PEX3: variants seen among roughly 807,000 people sequenced by gnomAD.
PEX3 encodes the protein peroxin-3.
Under a neutral mutation model 55.8 loss-of-function variants are expected in PEX3, and 30 were observed. The observed-to-expected ratio is 0.54, with a 90% CI of 0.40 to 0.73. The LOEUF is 0.73. Ranked by LOEUF, PEX3 falls within the 30% of genes least tolerant of loss-of-function variation. PEX3 has a pLI of 0.00. For synonymous variants in PEX3, 135 were observed against 148.4 expected, an observed-to-expected ratio of 0.91 and a Z score of 0.66; for missense variants, 351 against 432.8, an observed-to-expected ratio of 0.81 and a Z score of 1.68.
intron 4 of PEX3, among the ~76,000 whole-genome samples, chr6:143,470,641 T>C (rs1161457587): frequency 6.6e-6 from 1 of 152,228 alleles, no homozygotes; most frequent in African/African-American, 2.4e-5. Flanking sequence ...AATAGCTCCA[T>C]TGACAACTAA....
At chr6:143,467,329 ATG>A (rs1780005989) in intron 3 of PEX3, among the ~76,000 whole-genome samples, 1 of 152,108 alleles carries the variant, frequency 6.6e-6, no homozygotes. Flanking sequence ...AAATATCAGT[ATG>A]AATTCATGAT....
rs756603740 is a variant in PEX3 at position 143,472,244 on chromosome 6, T to G, written c.663T>G (p.Ser221=). The G allele has an allele frequency of 1.9e-6, 3 of 1,607,766 alleles. No individual in the cohort carries two copies. Among genetic ancestry groups the G allele is most frequent in the East Asian group, 2.2e-5 (1 of 44,722 alleles). The part of the protein sequence containing the change: ...EIRNLVEQHK[S]SSWINKDGSK... ...GAAATCTCGTTGAGCAGCATAAGTC[T>G]TCTTCTTGGATTAATAAAGATGGAT... is the stretch of plus-strand genomic sequence containing the variant. Residue 221 remains serine, a synonymous_variant, in exon 8 of 12, where the codon TCT becomes TCG. Transcript: ENST00000367591.
intron 1 of PEX3, among the ~76,000 whole-genome samples, chr6:143,457,010 T>C (rs558998364): frequency 6.6e-6 from 1 of 152,322 alleles, no homozygotes; most frequent in African/African-American, 2.4e-5. Flanking sequence ...TTGTTGAGAC[T>C]CTGATTAAAG....
rs550648678 is a variant in PEX3 at position 143,483,941 on chromosome 6, G to T, written c.942-1211G>T. Reference sequence around the variant, plus strand: ...ATAGATTTTGAAAAATGCCACAAAGGTACCATGAAAAAAAAAATGCCTGCT... The same window carrying T: ...ATAGATTTTGAAAAATGCCACAAAGTTACCATGAAAAAAAAAATGCCTGCT... On this transcript the variant is annotated intron_variant, in intron 10 of 11. Coordinates refer to ENST00000367591, the MANE Select transcript of PEX3 (RefSeq NM_003630.3). The surrounding 1 kb of genome is among the most constrained non-coding windows in gnomAD (Gnocchi z 4.3). Among the ~76,000 whole-genome samples, 3 of 143,786 alleles carry T rather than the reference G, an allele frequency of 2.1e-5. No individual in the cohort carries two copies. The highest frequency in any genetic ancestry group is 4.3e-4 in the South Asian group (2 of 4,698). The allele number at this position is 143,786 out of a possible 152,430, so 94.3% of individuals were successfully genotyped here.
In PEX3 at chr6:143,451,755, A is replaced by C. The variant is rs562726250; in HGVS notation, c.73+640A>C. On this transcript the variant is annotated intron_variant, in intron 1 of 11. Transcript: ENST00000367591. This position sits in a 1 kb window ranked among gnomAD's most constrained non-coding sequence, Gnocchi z 4.1. ...GGATCTTCAAGGTTGGGATCATTGT[A>C]ATCTAGCTGACATAACTGAGTTGCA... is the stretch of plus-strand genomic sequence containing the variant. 1.5e-4 allele frequency among the ~76,000 whole-genome samples: 23 copies of C among 152,342 alleles called. No homozygotes were observed. Among genetic ancestry groups the C allele is most frequent in the African/African-American group, 5.5e-4 (23 of 41,572 alleles).
At position 143,476,369 on chromosome 6, in the gene PEX3, T is replaced by G. The variant is rs958839284; in HGVS notation, c.818+1513T>G. 4.6e-5 allele frequency among the ~76,000 whole-genome samples: 7 copies of G among 152,202 alleles called. No individual in the cohort carries two copies. Among genetic ancestry groups the G allele is most frequent in the Non-Finnish European group, 7.3e-5 (5 of 68,044 alleles). On this transcript the variant is annotated intron_variant, in intron 9 of 11. Transcript: ENST00000367591. The surrounding 1 kb of genome is among the most constrained non-coding windows in gnomAD (Gnocchi z 5.4). ...TTGTAGTCCATGATAGGAAATTTGTTTTTTATTCTTAATGTATGGGAAGCC... is the reference window on the plus strand; with the variant it reads ...TTGTAGTCCATGATAGGAAATTTGTGTTTTATTCTTAATGTATGGGAAGCC...
Position 143,485,851 on chromosome 6 carries a change from CTT to C in PEX3, c.1038+605_1038+606del, listed in dbSNP as rs1482107616. 6.6e-6 allele frequency among the ~76,000 whole-genome samples: 1 copy of C among 152,014 alleles called. No individual in the cohort carries two copies. The highest frequency in any genetic ancestry group is 2.4e-5 in the African/African-American group (1 of 41,398). On this transcript the variant is annotated intron_variant, in intron 11 of 11. Transcript: ENST00000367591. This position sits in a 1 kb window ranked among gnomAD's most constrained non-coding sequence, Gnocchi z 5.6. The stretch of plus-strand genomic sequence containing the variant: ...AAGACAAATATTATAAACAAAATAA[CTT>C]TGAATTTCTGAGTCATGTGCAAACT...
intron 1 of PEX3, among the ~76,000 whole-genome samples, chr6:143,456,900 A>T (rs1200565623): frequency 6.6e-6 from 1 of 152,164 alleles, no homozygotes; most frequent in African/African-American, 2.4e-5. Flanking sequence ...CACTCAGGAA[A>T]ACTGACTTCC....
At chr6:143,474,956 A>G (rs1780131906) in intron 9 of PEX3, 100 bp downstream of exon 9, 1 of 639,020 alleles carries the variant, frequency 1.6e-6, no homozygotes, top group Admixed American at 2.5e-5. Context: ...GTATAATATT[A>G]TATTAAAATT....
At chr6:143,461,145 C>T (rs1270236874) in intron 2 of PEX3, among the ~76,000 whole-genome samples, 1 of 152,190 alleles carries the variant, frequency 6.6e-6, no homozygotes, top group Non-Finnish European at 1.5e-5. Flanking sequence ...TCTCAGACTA[C>T]AGCACAGTTC....
intron 10 of PEX3, among the ~76,000 whole-genome samples, chr6:143,484,595 G>C (rs1780288732): frequency 6.6e-6 from 1 of 152,052 alleles, no homozygotes; most frequent in Non-Finnish European, 1.5e-5. Flanking sequence ...TAACCTGTAA[G>C]ATACTATTTT....
chr6:143,474,187 C>A (rs140675809), intron 8 of PEX3, among the ~76,000 whole-genome samples: 2 of 151,914 alleles, frequency 1.3e-5, no homozygotes, highest in Non-Finnish European at 2.9e-5. Context: ...CGGTGGTGCA[C>A]GCCTGTAATC....
chr6:143,469,009 C>A (rs1780033871), intron 4 of PEX3, among the ~76,000 whole-genome samples: 2 of 152,078 alleles, frequency 1.3e-5, no homozygotes, highest in Admixed American at 6.5e-5. Context: ...TGAACTCGTC[C>A]TTTTTTGGGG....
chr6:143,479,117 GT>G lies in PEX3; in HGVS notation c.864del (p.Phe288LeufsTer5). Reference sequence around the variant, plus strand: ...GTTTTGAATACCTGTTTAAACCGAGGTTTTAGTAGACTTCTAGACAATATGG... The same window carrying G: ...GTTTTGAATACCTGTTTAAACCGAGGTTTAGTAGACTTCTAGACAATATGG... ...STVLNTCLNR[G>X]FSRLLDNMAE... On this transcript the variant is annotated frameshift_variant, in exon 10 of 12. Transcript: ENST00000367591. LOFTEE classifies it high-confidence loss of function. This position sits in a 1 kb window ranked among gnomAD's most constrained non-coding sequence, Gnocchi z 4.6. 3.8e-6 allele frequency: 6 copies of G among 1,593,042 alleles called. No homozygotes were observed. The highest frequency in any genetic ancestry group is 5.2e-6 in the Non-Finnish European group (6 of 1,161,066).
chr6:143,470,929 C>T (rs1584010274), intron 4 of PEX3, 32 bp from the exon 5 acceptor site: 1 of 1,592,898 alleles, frequency 6.3e-7, no homozygotes, highest in East Asian at 2.2e-5. Flanking sequence ...GTATTAATCA[C>T]AGTACCAAAT....
intron 4 of PEX3, among the ~76,000 whole-genome samples, chr6:143,469,627 G>T (rs894432147): frequency 1.3e-5 from 2 of 152,166 alleles, no homozygotes; most frequent in Non-Finnish European, 2.9e-5. Context: ...TCTGTAGGTT[G>T]CCTGTTCACT....
chr6:143,464,209 C>T lies in PEX3; in HGVS notation c.287+1212C>T, dbSNP rs558734839. ...ATTGAAAAGAAGTAGATTTTAATTT[C>T]CTTTTTGTCATGATGAGAAGGCAAG... On this transcript the variant is annotated intron_variant, in intron 3 of 11. Coordinates refer to ENST00000367591, the MANE Select transcript of PEX3 (RefSeq NM_003630.3). This position sits in a 1 kb window ranked among gnomAD's most constrained non-coding sequence, Gnocchi z 5.8. Among the ~76,000 whole-genome samples the T allele has an allele frequency of 6.6e-6, 1 of 152,138 alleles. No homozygotes were observed. The highest frequency in any genetic ancestry group is 1.9e-4 in the East Asian group (1 of 5,180).
Position 143,483,802 on chromosome 6 carries a change from G to C in PEX3, c.942-1350G>C, listed in dbSNP as rs944702130. On this transcript the variant is annotated intron_variant, in intron 10 of 11. Transcript: ENST00000367591. This position sits in a 1 kb window ranked among gnomAD's most constrained non-coding sequence, Gnocchi z 4.3. ...TGTATTGGATGTCCACTGTACACAAGACCTTTTACTATGTGCTGGGACAAT... is the reference window on the plus strand; with the variant it reads ...TGTATTGGATGTCCACTGTACACAACACCTTTTACTATGTGCTGGGACAAT... Among the ~76,000 whole-genome samples the C allele has an allele frequency of 3.9e-5, 6 of 152,088 alleles. No homozygotes were observed. The highest frequency in any genetic ancestry group is 8.8e-5 in the Non-Finnish European group (6 of 67,996).
chr6:143,482,332 T>C lies in PEX3; in HGVS notation c.942-2820T>C, dbSNP rs1326509741. On this transcript the variant is annotated intron_variant, in intron 10 of 11. Coordinates refer to ENST00000367591, the MANE Select transcript of PEX3 (RefSeq NM_003630.3). The surrounding 1 kb of genome is among the most constrained non-coding windows in gnomAD (Gnocchi z 5.5). Reference sequence around the variant, plus strand: ...ACTCATGCTATCTTTAAAAATGATATCAATTTTGAAAAGGGAGAAGAAAAA... The same window carrying C: ...ACTCATGCTATCTTTAAAAATGATACCAATTTTGAAAAGGGAGAAGAAAAA... Among the ~76,000 whole-genome samples, 2 of 152,114 alleles carry C rather than the reference T, an allele frequency of 1.3e-5. No individual in the cohort carries two copies. The highest frequency in any genetic ancestry group is 2.9e-5 in the Non-Finnish European group (2 of 67,996).
Sources: allele counts gnomAD v4.1 joint callset (sites outside exome capture counted in the v4.1 genomes callset), GRCh38; gene constraint gnomAD v4.1.1; non-coding constraint Gnocchi (gnomAD v3.1); transcripts MANE v1.5; gene names NCBI Gene and HGNC (gene_info 2026-07-23, HGNC 2026-07-21).